JADE3: variants seen among roughly 807,000 people sequenced by gnomAD.
JADE3 encodes the protein protein Jade-3.
Under a neutral mutation model 50.1 loss-of-function variants are expected in JADE3, and 2 were observed. The ratio of observed to expected loss-of-function variants is 0.04; its 90% CI spans 0.02 to 0.13. The LOEUF (loss-of-function observed/expected upper bound fraction) is 0.13, where lower values mean the gene tolerates loss of function less well. JADE3 is among the 10% of genes least tolerant of loss of function. JADE3 has a pLI of 1.00. For synonymous variants in JADE3, 218 were observed against 232.9 expected (o/e 0.94, Z 0.58); for missense variants, 475 against 634.4 (o/e 0.75, Z 2.70).
chrX:47,032,648 G>A (rs935477301), intron 6 of JADE3, among the ~76,000 whole-genome samples: 2 of 111,604 alleles, frequency 1.8e-5, no homozygotes, highest in African/African-American at 6.5e-5. Flanking sequence ...ACTGTAGGGA[G>A]AATAGCAAGT....
intron 4 of JADE3, among the ~76,000 whole-genome samples, chrX:47,024,463 A>T (rs2146975243): frequency 8.9e-6 from 1 of 112,335 alleles, no homozygotes; most frequent in South Asian, 3.7e-4. Flanking sequence ...ACTGCATTCC[A>T]GCCTGGGTGG....
rs1929174975 is a variant in JADE3 at position 47,038,163 on chromosome X, A to G, written c.856-786A>G. On this transcript the variant is annotated intron_variant, in intron 7 of 10. Coordinates refer to ENST00000614628, the MANE Select transcript of JADE3 (RefSeq NM_014735.5). The stretch of plus-strand genomic sequence containing the variant: ...ATGGTTGAATAGTACTCCATTGTAT[A>G]TATGTACCACATTTTCTTTATCCAT... Among the ~76,000 whole-genome samples, 3 of 112,085 alleles carry G rather than the reference A, an allele frequency of 2.7e-5. No individual in the cohort carries two copies. In the Admixed American group the frequency reaches 2.8e-4, roughly 11 times the overall value.
intron 4 of JADE3, among the ~76,000 whole-genome samples, chrX:47,014,360 G>C (rs1474759848): frequency 8.9e-6 from 1 of 112,019 alleles, no homozygotes; most frequent in Admixed American, 9.5e-5. Flanking sequence ...AAATTGATGA[G>C]ATGTAAAAAT....
intron 6 of JADE3, among the ~76,000 whole-genome samples, chrX:47,029,830 A>G (rs1413195676): frequency 2.7e-5 from 3 of 111,875 alleles, no homozygotes; most frequent in South Asian, 3.7e-4. Context: ...ATATCTCACA[A>G]TACAAGCCCA....
At chrX:46,998,038 A>T in intron 3 of JADE3, 82 bp from the exon 4 acceptor site, 1 of 785,721 alleles carries the variant, frequency 1.3e-6, no homozygotes, top group African/African-American at 2.0e-5. Context: ...GTGGATGGGG[A>T]TGGTCTTTTT....
chrX:47,015,539 G>A lies in JADE3; in HGVS notation c.285-9185G>A, dbSNP rs374178666. Among the ~76,000 whole-genome samples the A allele has an allele frequency of 7.6e-5, 8 of 104,594 alleles. No homozygotes were observed. The South Asian group carries it at 3.5e-3, about 46-fold the overall frequency. The allele number at this position is 104,594 out of a possible 115,157, so 90.8% of individuals were successfully genotyped here. A position where few individuals can be genotyped will look rare whatever the true frequency, so the allele number is the denominator to read the frequency against. On this transcript the variant is annotated intron_variant, in intron 4 of 10. Coordinates refer to ENST00000614628, the MANE Select transcript of JADE3 (RefSeq NM_014735.5). Reference sequence around the variant, plus strand: ...ACAGAGGTTGCAGTGAGCCAAGATTGTGCCACTGCACTCCACCCTGAGTGA... The same window carrying A: ...ACAGAGGTTGCAGTGAGCCAAGATTATGCCACTGCACTCCACCCTGAGTGA...
intron 8 of JADE3, among the ~76,000 whole-genome samples, chrX:47,046,792 C>G (rs187650245): frequency 2.7e-5 from 3 of 112,277 alleles, no homozygotes; most frequent in Admixed American, 1.9e-4. Context: ...GCTGAAGATA[C>G]GATTTTTCAC....
intron 9 of JADE3, among the ~76,000 whole-genome samples, chrX:47,055,490 T>C (rs1929615776): frequency 8.9e-6 from 1 of 112,315 alleles, no homozygotes; most frequent in Non-Finnish European, 1.9e-5. Context: ...CATTTAATTC[T>C]AACATGCCCA....
At chrX:46,952,816 G>T (rs1308895711) in intron 1 of JADE3, among the ~76,000 whole-genome samples, 1 of 111,565 alleles carries the variant, frequency 9.0e-6, no homozygotes, top group African/African-American at 3.3e-5. Context: ...TGGCCAACAT[G>T]GTGAAACCCC....
At chrX:46,960,951 G>A (rs1489241078) in intron 1 of JADE3, among the ~76,000 whole-genome samples, 1 of 111,129 alleles carries the variant, frequency 9.0e-6, no homozygotes, top group Non-Finnish European at 1.9e-5. Context: ...CTACTAAACC[G>A]CAGTTCTGCA....
chrX:47,030,653 T>C lies in JADE3; in HGVS notation c.687+2550T>C, dbSNP rs782274741. Among the ~76,000 whole-genome samples the C allele has an allele frequency of 7.1e-5, 8 of 112,524 alleles. No homozygotes were observed. The East Asian group carries it at 1.9e-3, about 27-fold the overall frequency. ...GTGACACCATATTACATTTCAGTGT[T>C]TGTTCCTCAGTGACAAAAAATACAC... On this transcript the variant is annotated intron_variant, in intron 6 of 10. Transcript: ENST00000614628.
At chrX:47,020,726 G>A (rs911780557) in intron 4 of JADE3, among the ~76,000 whole-genome samples, 8 of 112,209 alleles carry the variant, frequency 7.1e-5, no homozygotes, top group Admixed American at 4.7e-4. Context: ...ATTTTGCATC[G>A]AAGTATAATA....
At chrX:46,980,301 A>T (rs1477232859) in intron 1 of JADE3, among the ~76,000 whole-genome samples, 1 of 111,652 alleles carries the variant, frequency 9.0e-6, no homozygotes, top group Non-Finnish European at 1.9e-5. Flanking sequence ...TTACATGTAT[A>T]ATATTTCTAA....
At chrX:46,961,344 A>G (rs1253607040) in intron 1 of JADE3, among the ~76,000 whole-genome samples, 1 of 112,041 alleles carries the variant, frequency 8.9e-6, no homozygotes, top group Non-Finnish European at 1.9e-5. Context: ...ACTTGTTTTT[A>G]GGTGGTTGTG....
chrX:47,055,914 C>G lies in JADE3; in HGVS notation c.1444-168C>G, dbSNP rs181715521. 1.6e-3 allele frequency among the ~76,000 whole-genome samples: 179 copies of G among 112,093 alleles called. 2 individuals are homozygous for G. The highest frequency in any genetic ancestry group is 0.014 in the Admixed American group (151 of 10,513). On this transcript the variant is annotated intron_variant, in intron 9 of 10. Transcript: ENST00000614628. The stretch of plus-strand genomic sequence containing the variant: ...TTGGTTGATAGATCCCAGAATTGAC[C>G]ATGCTGTGTGAATTCCTGTGGAGTG...
chrX:47,043,772 T>A (rs1244142381), intron 8 of JADE3, among the ~76,000 whole-genome samples: 1 of 103,503 alleles, frequency 9.7e-6, no homozygotes, highest in Non-Finnish European at 2.0e-5. Context: ...TGAGCCAAGA[T>A]CATGCCACTG....
intron 1 of JADE3, among the ~76,000 whole-genome samples, chrX:46,966,364 T>C (rs1927368466): frequency 9.0e-6 from 1 of 111,667 alleles, no homozygotes; most frequent in Non-Finnish European, 1.9e-5. Flanking sequence ...TGCTTTTCCC[T>C]CCTACCTTCC....
intron 1 of JADE3, among the ~76,000 whole-genome samples, chrX:46,940,597 G>A (rs1556342068): frequency 1.8e-5 from 2 of 111,095 alleles, no homozygotes; most frequent in Non-Finnish European, 3.8e-5. Flanking sequence ...GGAGGAAATG[G>A]CTGGTCATTT....
At position 47,059,066 on chromosome X, in the gene JADE3, A is replaced by G. The variant is rs1281107695; in HGVS notation, c.2461A>G (p.Met821Val). 5.1e-6 allele frequency: 6 copies of G among 1,180,196 alleles called. No individual in the cohort carries two copies. The highest frequency in any genetic ancestry group is 5.7e-6 in the Non-Finnish European group (5 of 882,995). Residue 821 changes from methionine to valine, a missense_variant, in exon 11 of 11, where the codon ATG becomes GTG. By Grantham distance (21) the Met-to-Val change is conservative (BLOSUM62 1). This residue lies in a region of JADE3 where 243 missense variants were observed against 238.2 expected (regional missense o/e 1.02). Transcript: ENST00000614628. ...SKTHPLSHSS[M>V]QR ...GACACATCCCCTTTCCCACAGTTCAATGCAAAGGTGATTAGAAACTTCCAA... is the reference window on the plus strand; with the variant it reads ...GACACATCCCCTTTCCCACAGTTCAGTGCAAAGGTGATTAGAAACTTCCAA...
Sources: allele counts gnomAD v4.1 joint callset (sites outside exome capture counted in the v4.1 genomes callset), GRCh38; gene constraint gnomAD v4.1.1; regional missense constraint gnomAD v4.1.1; transcripts MANE v1.5; gene names NCBI Gene and HGNC (gene_info 2026-07-23, HGNC 2026-07-21).